The following BMPR1A variants were observed in gnomAD, a reference collection of about 807,000 sequenced individuals.
BMPR1A encodes bone morphogenetic protein receptor type 1A.
BMPR1A carries 7 observed loss-of-function variants against 66.0 expected under a neutral mutation model. The observed-to-expected ratio is 0.11, with a 90% CI of 0.06 to 0.20. The LOEUF is 0.20. Among genes scored for constraint, BMPR1A ranks in the 10% least tolerant of loss-of-function variants. BMPR1A has a pLI of 1.00. For missense variants in BMPR1A, 408 were observed against 669.1 expected, an observed-to-expected ratio of 0.61 and a Z score of 4.31; for synonymous variants, 200 against 229.7, an observed-to-expected ratio of 0.87 and a Z score of 1.17.
At chr10:86,908,964 A>C (rs1167033557) in intron 7 of BMPR1A, among the ~76,000 whole-genome samples, 1 of 152,170 alleles carries the variant, frequency 6.6e-6, no homozygotes, top group Non-Finnish European at 1.5e-5. Flanking sequence ...CAAGAGGCAG[A>C]GGGACTTTGC....
intron 1 of BMPR1A, among the ~76,000 whole-genome samples, chr10:86,770,177 G>C (rs1841231393): frequency 1.3e-5 from 2 of 152,244 alleles, no homozygotes; most frequent in Non-Finnish European, 2.9e-5. Context: ...TGTGGTCCCA[G>C]CTGCTCAGGA....
In BMPR1A at chr10:86,887,762, C is replaced by T. The variant is rs192024084; in HGVS notation, c.68-2300C>T. Reference sequence around the variant, plus strand: ...TTTCCAGAGCTGAATTGATACGTGTCTTCTGTTAATGTAATAGGATTTTAA... The same window carrying T: ...TTTCCAGAGCTGAATTGATACGTGTTTTCTGTTAATGTAATAGGATTTTAA... On this transcript the variant is annotated intron_variant, in intron 3 of 12. Transcript: ENST00000372037. Among the ~76,000 whole-genome samples the T allele has an allele frequency of 1.6e-4, 25 of 152,246 alleles. No individual in the cohort carries two copies. In the East Asian group the frequency reaches 4.8e-3, roughly 29 times the overall value.
At chr10:86,907,205 A>G (rs890952161) in intron 7 of BMPR1A, among the ~76,000 whole-genome samples, 4 of 152,238 alleles carry the variant, frequency 2.6e-5, no homozygotes, top group African/African-American at 9.7e-5. Flanking sequence ...GTGAGTGATT[A>G]TTCCTTGCTT....
chr10:86,923,031 T>C lies in BMPR1A; in HGVS notation c.1343-345T>C, dbSNP rs368029651. On this transcript the variant is annotated intron_variant, in intron 11 of 12. Coordinates refer to ENST00000372037, the MANE Select transcript of BMPR1A (RefSeq NM_004329.3). Reference sequence around the variant, plus strand: ...TACTGCAGAGCAAAATGAAACAAAATAATAAAAACTATTCATTAGTAGGAA... The same window carrying C: ...TACTGCAGAGCAAAATGAAACAAAACAATAAAAACTATTCATTAGTAGGAA... Among the ~76,000 whole-genome samples, 14 of 152,344 alleles carry C rather than the reference T, an allele frequency of 9.2e-5. 1 individual carries two copies. Among genetic ancestry groups the C allele is most frequent in the African/African-American group, 3.4e-4 (14 of 41,586 alleles).
intron 7 of BMPR1A, among the ~76,000 whole-genome samples, chr10:86,907,304 A>G (rs1843410153): frequency 1.3e-5 from 2 of 152,354 alleles, no homozygotes; most frequent in Admixed American, 1.3e-4. Context: ...CCTCACCCCA[A>G]TTAAAATGGC....
At chr10:86,824,426 T>TA (rs1386455585) in intron 1 of BMPR1A, among the ~76,000 whole-genome samples, 2 of 152,130 alleles carry the variant, frequency 1.3e-5, no homozygotes, top group African/African-American at 4.8e-5. Flanking sequence ...GTACGGTAAT[T>TA]AACTACCTGC....
At position 86,771,559 on chromosome 10, in the gene BMPR1A, G is replaced by A. The variant is rs187157275; in HGVS notation, c.-268+14640G>A. On this transcript the variant is annotated intron_variant, in intron 1 of 12. Coordinates refer to ENST00000372037, the MANE Select transcript of BMPR1A (RefSeq NM_004329.3). ...GCATAGTTCCTAAGTGGCAGAGCTGGGATTCAAACCCAGGCAGTCTGGATT... is the reference window on the plus strand; with the variant it reads ...GCATAGTTCCTAAGTGGCAGAGCTGAGATTCAAACCCAGGCAGTCTGGATT... Among the ~76,000 whole-genome samples the A allele has an allele frequency of 2.9e-4, 44 of 152,240 alleles. No homozygotes were observed. In the East Asian group the frequency reaches 6.9e-3, roughly 24 times the overall value.
At chr10:86,812,742 A>G (rs920875558) in intron 1 of BMPR1A, among the ~76,000 whole-genome samples, 2 of 151,962 alleles carry the variant, frequency 1.3e-5, no homozygotes, top group African/African-American at 4.8e-5. Flanking sequence ...AGCCTGCCCC[A>G]CTCTCAACAT....
chr10:86,824,214 A>G (rs1408618391), intron 1 of BMPR1A, among the ~76,000 whole-genome samples: 1 of 152,020 alleles, frequency 6.6e-6, no homozygotes, highest in Non-Finnish European at 1.5e-5. Context: ...GTGTTTTTGC[A>G]AGAAGGTGGG....
chr10:86,887,315 A>G (rs79542185), intron 3 of BMPR1A, among the ~76,000 whole-genome samples: 5,143 of 152,268 alleles, frequency 0.034, 195 homozygotes, highest in African/African-American at 0.093. Flanking sequence ...ATATTTGGCA[A>G]TAACATAAGC....
chr10:86,889,534 C>A (rs1033750928), intron 3 of BMPR1A: 3 of 153,720 alleles, frequency 2.0e-5, no homozygotes, highest in Admixed American at 1.9e-4. Flanking sequence ...TGAAGTCTCT[C>A]CCCCTTTTGT....
chr10:86,921,111 C>A (rs1296085306), intron 10 of BMPR1A, among the ~76,000 whole-genome samples: 1 of 152,116 alleles, frequency 6.6e-6, no homozygotes, highest in Non-Finnish European at 1.5e-5. Context: ...GCCTTGGCCT[C>A]CCAAAGTGCT....
chr10:86,888,340 T>C (rs1380094689), intron 3 of BMPR1A, among the ~76,000 whole-genome samples: 2 of 151,796 alleles, frequency 1.3e-5, no homozygotes, highest in Non-Finnish European at 2.9e-5. Context: ...TTGTGTGGGG[T>C]GCCTGTAATC....
chr10:86,836,614 A>G (rs532647437), intron 1 of BMPR1A, among the ~76,000 whole-genome samples: 1 of 152,272 alleles, frequency 6.6e-6, no homozygotes, highest in Admixed American at 6.5e-5. Flanking sequence ...GCTGGCCGAC[A>G]TGACGAGACC....
chr10:86,808,909 A>G (rs571710272), intron 1 of BMPR1A, among the ~76,000 whole-genome samples: 3 of 152,154 alleles, frequency 2.0e-5, no homozygotes, highest in Non-Finnish European at 2.9e-5. Flanking sequence ...CTGATTCATC[A>G]CAGGTTACTT....
intron 1 of BMPR1A, among the ~76,000 whole-genome samples, chr10:86,781,438 G>A (rs1167217887): frequency 6.6e-6 from 1 of 152,142 alleles, no homozygotes; most frequent in Non-Finnish European, 1.5e-5. Flanking sequence ...CTACAGCCTT[G>A]TAGTATATTT....
chr10:86,802,807 A>G (rs1042731409), intron 1 of BMPR1A, among the ~76,000 whole-genome samples: 2 of 139,344 alleles, frequency 1.4e-5, no homozygotes, highest in African/African-American at 5.6e-5. Flanking sequence ...AGACATGTTT[A>G]AAAAAAAAAA....
chr10:86,878,316 T>A (rs1842945452), intron 3 of BMPR1A, among the ~76,000 whole-genome samples: 1 of 152,184 alleles, frequency 6.6e-6, no homozygotes, highest in South Asian at 2.1e-4. Context: ...TGCTTTACAT[T>A]GAGATAAAGT....
At chr10:86,772,802 A>G (rs1386084229) in intron 1 of BMPR1A, among the ~76,000 whole-genome samples, 1 of 152,176 alleles carries the variant, frequency 6.6e-6, no homozygotes, top group Non-Finnish European at 1.5e-5. Context: ...TTTTCAAAAC[A>G]AGTCTTTTTT....
Sources: gnomAD v4.1 joint callset for allele counts (sites outside exome capture counted in the v4.1 genomes callset) on GRCh38, gnomAD v4.1.1 for gene constraint, MANE v1.5 for transcripts, NCBI Gene and HGNC (gene_info 2026-07-23, HGNC 2026-07-21) for gene names.